MACROD2: variants seen among roughly 807,000 people sequenced by gnomAD.
The protein encoded by MACROD2 is ADP-ribose glycohydrolase MACROD2.
MACROD2 carries 36 observed loss-of-function variants against 70.4 expected under a neutral mutation model. The observed-to-expected ratio is 0.51, with a 90% CI of 0.39 to 0.68. MACROD2 has a LOEUF of 0.68. Ranked by LOEUF, MACROD2 falls within the 30% of genes least tolerant of loss-of-function variation. MACROD2 has a pLI of 0.00. For missense variants in MACROD2, 496 were observed against 538.4 expected (o/e 0.92, Z 0.78); for synonymous variants, 172 against 178.8 (o/e 0.96, Z 0.30).
intron 5 of MACROD2, among the ~76,000 whole-genome samples, chr20:14,944,238 G>A (rs1359271087): frequency 6.6e-6 from 1 of 152,192 alleles, no homozygotes; most frequent in Non-Finnish European, 1.5e-5. Context: ...GGAAGGGAGA[G>A]GAGGGCTGGG....
intron 8 of MACROD2, among the ~76,000 whole-genome samples, chr20:15,800,181 G>C (rs1373452172): frequency 6.6e-6 from 1 of 152,052 alleles, no homozygotes; most frequent in Admixed American, 6.6e-5. Flanking sequence ...TGTATATTCT[G>C]GGTATTAGCA....
At chr20:15,375,039 T>C (rs1489156790) in intron 6 of MACROD2, among the ~76,000 whole-genome samples, 1 of 152,250 alleles carries the variant, frequency 6.6e-6, no homozygotes, top group Non-Finnish European at 1.5e-5. Flanking sequence ...CATTATTTCC[T>C]GCCTCTACTT....
At chr20:15,116,925 AAAG>A (rs1158610323) in intron 5 of MACROD2, among the ~76,000 whole-genome samples, 1 of 152,182 alleles carries the variant, frequency 6.6e-6, no homozygotes, top group Non-Finnish European at 1.5e-5. Context: ...TATTCTTTTT[AAAG>A]AAGTTAAAAT....
intron 3 of MACROD2, among the ~76,000 whole-genome samples, chr20:14,215,729 A>G (rs1388699207): frequency 2.0e-5 from 3 of 152,052 alleles, no homozygotes; most frequent in African/African-American, 4.8e-5. Flanking sequence ...GTGCTATCGC[A>G]TTGTGGTTTT....
chr20:14,679,969 T>C (rs2070911788), intron 4 of MACROD2, among the ~76,000 whole-genome samples: 1 of 152,198 alleles, frequency 6.6e-6, no homozygotes, highest in African/African-American at 2.4e-5. Flanking sequence ...ATTCTATTTG[T>C]GACATAAGGA....
chr20:14,228,418 A>G (rs1235821633), intron 3 of MACROD2, among the ~76,000 whole-genome samples: 1 of 151,322 alleles, frequency 6.6e-6, no homozygotes, highest in Non-Finnish European at 1.5e-5. Flanking sequence ...GCTCACTGCA[A>G]GCTCCATCTC....
chr20:16,031,117 A>G (rs145329609), intron 15 of MACROD2, among the ~76,000 whole-genome samples: 2 of 152,286 alleles, frequency 1.3e-5, no homozygotes, highest in African/African-American at 2.4e-5. Flanking sequence ...ACAATGTATT[A>G]GACAGGGAAG....
At chr20:14,604,395 G>A (rs1415797093) in intron 4 of MACROD2, among the ~76,000 whole-genome samples, 1 of 152,178 alleles carries the variant, frequency 6.6e-6, no homozygotes, top group East Asian at 1.9e-4. Context: ...TGCTCTTGTG[G>A]GTATAGGTCC....
chr20:15,685,868 G>A (rs970393988), intron 8 of MACROD2, among the ~76,000 whole-genome samples: 5 of 152,162 alleles, frequency 3.3e-5, no homozygotes, highest in African/African-American at 1.2e-4. Flanking sequence ...GGGTCAGTTT[G>A]CTACTCGATA....
intron 7 of MACROD2, among the ~76,000 whole-genome samples, chr20:15,453,878 A>T (rs1163436556): frequency 6.6e-6 from 1 of 152,106 alleles, no homozygotes; most frequent in Non-Finnish European, 1.5e-5. Context: ...TGGCGAGAGA[A>T]GCTTGTAGCC....
intron 3 of MACROD2, among the ~76,000 whole-genome samples, chr20:14,094,679 A>G (rs910726441): frequency 1.3e-5 from 2 of 151,940 alleles, no homozygotes; most frequent in South Asian, 2.1e-4. Context: ...ATTGCAGTAC[A>G]CTCCTGAATG....
At chr20:15,981,578 T>A (rs1206258837) in intron 13 of MACROD2, among the ~76,000 whole-genome samples, 1 of 152,204 alleles carries the variant, frequency 6.6e-6, no homozygotes, top group Non-Finnish European at 1.5e-5. Flanking sequence ...AAGTGATATT[T>A]AGAGACTGGG....
At position 15,658,022 on chromosome 20, in the gene MACROD2, A is replaced by G. The variant is rs373381591; in HGVS notation, c.645+158175A>G. ...AAATAATAATAATAATTAGTTTTGT[A>G]CCCTCAGATAGTCAAGAGCAATCAG... On this transcript the variant is annotated intron_variant, in intron 8 of 17. Coordinates refer to ENST00000684519, the MANE Select transcript of MACROD2 (RefSeq NM_001351661.2). 6.1e-4 allele frequency among the ~76,000 whole-genome samples: 93 copies of G among 152,240 alleles called. 1 individual carries two copies. In the South Asian group the frequency reaches 0.018, roughly 30 times the overall value.
intron 3 of MACROD2, among the ~76,000 whole-genome samples, chr20:14,292,968 A>G (rs565315602): frequency 5.3e-5 from 8 of 151,998 alleles, no homozygotes; most frequent in African/African-American, 1.7e-4. Flanking sequence ...ATGTTTCATT[A>G]GGTAATTAAA....
chr20:14,334,271 G>A (rs777948199), intron 3 of MACROD2, among the ~76,000 whole-genome samples: 11 of 152,144 alleles, frequency 7.2e-5, no homozygotes, highest in Non-Finnish European at 1.5e-4. Context: ...ATTGAGTGAT[G>A]TCGATCTGTA....
intron 8 of MACROD2, among the ~76,000 whole-genome samples, chr20:15,729,898 A>C (rs1391395857): frequency 7.2e-6 from 1 of 139,834 alleles, no homozygotes; most frequent in East Asian, 2.1e-4. Context: ...GTGCAATCTC[A>C]GCTCACTGCA....
intron 8 of MACROD2, among the ~76,000 whole-genome samples, chr20:15,770,144 C>G (rs1213001900): frequency 1.6e-5 from 2 of 126,400 alleles, no homozygotes; most frequent in African/African-American, 3.2e-5. Flanking sequence ...GCCCAGGTTG[C>G]TGTGCAGTGG....
At chr20:14,157,169 G>A (rs563952588) in intron 3 of MACROD2, among the ~76,000 whole-genome samples, 1 of 152,270 alleles carries the variant, frequency 6.6e-6, no homozygotes, top group African/African-American at 2.4e-5. Flanking sequence ...TTCATGCTAT[G>A]AGAGTCTGTT....
chr20:15,600,086 G>C (rs965177701), intron 8 of MACROD2, among the ~76,000 whole-genome samples: 1 of 152,046 alleles, frequency 6.6e-6, no homozygotes, highest in Non-Finnish European at 1.5e-5. Context: ...TCACCTAGAA[G>C]CAGTGCAAGT....
Sources: gnomAD v4.1 joint callset for allele counts (sites outside exome capture counted in the v4.1 genomes callset) on GRCh38, gnomAD v4.1.1 for gene constraint, MANE v1.5 for transcripts, NCBI Gene and HGNC (gene_info 2026-07-23, HGNC 2026-07-21) for gene names.